The following GLIPR1L2 variants were observed in gnomAD, a reference collection of about 807,000 sequenced individuals.
GLIPR1L2 encodes the protein GLIPR1 like 2.
Under a neutral mutation model 28.4 loss-of-function variants are expected in GLIPR1L2, and 21 were observed. The ratio of observed to expected loss-of-function variants is 0.74; its 90% CI spans 0.52 to 1.06. The LOEUF (loss-of-function observed/expected upper bound fraction) is 1.06, where lower values mean the gene tolerates loss of function less well. Ranked by LOEUF, GLIPR1L2 falls within the 50% of genes least tolerant of loss-of-function variation. The pLI, the probability that GLIPR1L2 is intolerant of heterozygous loss-of-function variation, is 0.00. For synonymous variants in GLIPR1L2, 145 were observed against 139.3 expected (o/e 1.04, Z -0.29); for missense variants, 476 against 416.9 (o/e 1.14, Z -1.23).
Position 75,391,132 on chromosome 12 carries a change from C to G in GLIPR1L2, c.16C>G (p.Pro6Ala), listed in dbSNP as rs2045576376. ...CCGGTGGACCATGGAGGCCGCAAGG[C>G]CCTTCGCCCGGGAGTGGAGGGCCCA... MEAAR[P>A]FAREWRAQSL... is the part of the protein sequence containing the mutation. Residue 6 changes from proline (P) to alanine (A), a missense_variant, in exon 1 of 6, where the codon CCC becomes GCC. By Grantham distance (27) the Pro-to-Ala change is conservative. Coordinates refer to ENST00000550916, the MANE Select transcript of GLIPR1L2 (RefSeq NM_001270396.2). The G allele has an allele frequency of 1.9e-6, 3 of 1,613,386 alleles. No homozygotes were observed. The highest frequency in any genetic ancestry group is 1.7e-5 in the Admixed American group (1 of 59,992).
intron 3 of GLIPR1L2, among the ~76,000 whole-genome samples, chr12:75,421,107 A>T (rs896151404): frequency 3.3e-5 from 5 of 152,270 alleles, no homozygotes; most frequent in African/African-American, 7.2e-5. Flanking sequence ...ACCTTAGGAG[A>T]CAATACATCT....
rs1038999462 is a variant in GLIPR1L2 at position 75,398,682 on chromosome 12, G to T, written c.234+7332G>T. On this transcript the variant is annotated intron_variant, in intron 1 of 5. Transcript: ENST00000550916. ...CAGATAATGGGCTGTAGTTTTATAT[G>T]TAATATCAATTTTTAATTTAATATT... Among the ~76,000 whole-genome samples the T allele has an allele frequency of 3.9e-5, 6 of 152,110 alleles. No homozygotes were observed. The East Asian group carries it at 1.2e-3, about 29-fold the overall frequency.
intron 1 of GLIPR1L2, among the ~76,000 whole-genome samples, chr12:75,392,733 TA>T (rs2045641381): frequency 6.6e-6 from 1 of 152,084 alleles, no homozygotes; most frequent in Admixed American, 6.5e-5. Flanking sequence ...ATCTCATCTC[TA>T]AAAATTATAT....
intron 1 of GLIPR1L2, among the ~76,000 whole-genome samples, chr12:75,403,977 A>C (rs1279377987): frequency 6.6e-6 from 1 of 152,240 alleles, no homozygotes; most frequent in Non-Finnish European, 1.5e-5. Context: ...AGTAGTTCAC[A>C]GTGTCTGTGA....
rs551794382 is a variant in GLIPR1L2 at position 75,412,305 on chromosome 12, G to A, written c.481-1293G>A. ...TCTGAAGCATTATTCTGGATCAACCGTGTTCTCAAACAGTTCTTACAAGCT... is the reference window on the plus strand; with the variant it reads ...TCTGAAGCATTATTCTGGATCAACCATGTTCTCAAACAGTTCTTACAAGCT... On this transcript the variant is annotated intron_variant, in intron 2 of 5. Transcript: ENST00000550916. 1.1e-4 allele frequency among the ~76,000 whole-genome samples: 16 copies of A among 151,976 alleles called. No homozygotes were observed. The East Asian group carries it at 2.3e-3, about 22-fold the overall frequency.
intron 1 of GLIPR1L2, among the ~76,000 whole-genome samples, chr12:75,402,787 G>GTC (rs919113269): frequency 1.2e-4 from 18 of 152,114 alleles, no homozygotes; most frequent in Non-Finnish European, 5.9e-5. Context: ...AATCTTTGTA[G>GTC]TCAGTTTAGC....
intron 3 of GLIPR1L2, among the ~76,000 whole-genome samples, chr12:75,414,050 T>A (rs550928195): frequency 6.6e-6 from 1 of 152,142 alleles, no homozygotes; most frequent in Middle Eastern, 3.4e-3. Context: ...TTAGTAAGAA[T>A]TGTTTCATGA....
Position 75,417,785 on chromosome 12 carries a change from T to C in GLIPR1L2, c.584+4084T>C, listed in dbSNP as rs567136516. Among the ~76,000 whole-genome samples the C allele has an allele frequency of 6.3e-5, 8 of 127,854 alleles. No homozygotes were observed. The South Asian group carries it at 2.0e-3, about 32-fold the overall frequency. The allele number at this position is 127,854 out of a possible 152,430, so 83.9% of individuals were successfully genotyped here. A position where few individuals can be genotyped will look rare whatever the true frequency, so the allele number is the denominator to read the frequency against. On this transcript the variant is annotated intron_variant, in intron 3 of 5. Transcript: ENST00000550916. ...ATGTATCAGAAAAAAACTGAAACTA[T>C]ATTACATATAATTATTTACTAGTCC...
intron 1 of GLIPR1L2, among the ~76,000 whole-genome samples, chr12:75,400,589 G>A (rs2045730076): frequency 6.6e-6 from 1 of 152,196 alleles, no homozygotes; most frequent in African/African-American, 2.4e-5. Flanking sequence ...GGGGAAATAG[G>A]ATGGTGGAGA....
In GLIPR1L2 at chr12:75,391,219, C is replaced by T; in HGVS notation, c.103C>T (p.Leu35=). 6.2e-7 allele frequency: 1 copy of T among 1,614,192 alleles called. No homozygotes were observed. Among genetic ancestry groups the T allele is most frequent in the South Asian group, 1.1e-5 (1 of 91,082 alleles). ...GCGGCTCTGTGAGCTGTGGCTACTG[C>T]TACTGGGTTCTAGTTTGAACGCCAG... ...KLRLCELWLL[L]LGSSLNARFL... The change falls in exon 1 of 6, where the codon CTA becomes TTA. Residue 35 remains leucine, a synonymous_variant. Transcript: ENST00000550916.
At chr12:75,402,457 A>G (rs561598828) in intron 1 of GLIPR1L2, among the ~76,000 whole-genome samples, 2 of 152,262 alleles carry the variant, frequency 1.3e-5, no homozygotes, top group Admixed American at 6.5e-5. Flanking sequence ...AGAAAAAGGG[A>G]AAAAAATGTA....
rs141233720 is a variant in GLIPR1L2 at position 75,395,550 on chromosome 12, A to G, written c.234+4200A>G. 4.9e-3 allele frequency among the ~76,000 whole-genome samples: 741 copies of G among 151,944 alleles called. 4 individuals are homozygous for G. The highest frequency in any genetic ancestry group is 0.017 in the Middle Eastern group (5 of 294). On this transcript the variant is annotated intron_variant, in intron 1 of 5. Transcript: ENST00000550916. Reference sequence around the variant, plus strand: ...CTTTAAATATATGTCTTGAACTCCTATTAGAATTCACCAATGACTCCATCT... The same window carrying G: ...CTTTAAATATATGTCTTGAACTCCTGTTAGAATTCACCAATGACTCCATCT...
intron 1 of GLIPR1L2, among the ~76,000 whole-genome samples, chr12:75,407,425 A>G (rs2045815453): frequency 6.6e-6 from 1 of 152,178 alleles, no homozygotes; most frequent in South Asian, 2.1e-4. Flanking sequence ...AGAGAATAAA[A>G]TGCAAAGTTC....
chr12:75,431,097 A>G lies in GLIPR1L2; in HGVS notation c.971A>G (p.Lys324Arg). ...EMEIMEMEEE[K>R]EEREEEEEET... is the part of the protein sequence containing the mutation. ...GAAATAATGGAAATGGAGGAGGAAA[A>G]AGAAGAGAGAGAGGAGGAGGAGGAG... The change falls in exon 6 of 6, where the codon AAA becomes AGA. Residue 324 changes from lysine (K) to arginine (R), a missense_variant. By Grantham distance (26) the Lys-to-Arg change is conservative. Coordinates refer to ENST00000550916, the MANE Select transcript of GLIPR1L2 (RefSeq NM_001270396.2). 1 of 1,185,280 alleles carries G rather than the reference A, an allele frequency of 8.4e-7. No homozygotes were observed. Among genetic ancestry groups the G allele is most frequent in the Non-Finnish European group, 1.2e-6 (1 of 827,844 alleles). 73.4% of individuals were successfully genotyped at this position (1,185,280 alleles called of 1,614,324 possible). A position where few individuals can be genotyped will look rare whatever the true frequency, so the allele number is the denominator to read the frequency against.
In GLIPR1L2 at chr12:75,430,837, G is replaced by A. The variant is rs916031657; in HGVS notation, c.711G>A (p.Trp237Ter). 7 of 1,533,182 alleles carry A rather than the reference G, an allele frequency of 4.6e-6. No individual in the cohort carries two copies. The highest frequency in any genetic ancestry group is 6.1e-6 in the Non-Finnish European group (7 of 1,145,056). 95.0% of individuals were successfully genotyped at this position (1,533,182 alleles called of 1,614,324 possible). The change falls in exon 6 of 6, where the codon TGG (tryptophan) becomes TGA (stop). Residue 237 changes from tryptophan (W) to a stop codon, truncating the protein, a stop_gained. Coordinates refer to ENST00000550916, the MANE Select transcript of GLIPR1L2 (RefSeq NM_001270396.2). LOFTEE classifies it low-confidence loss of function (END_TRUNC). ...CTTTGTTTACAGATTACCGATTTTG[G>A]TATCCAAAATGGGAAATGCCCCGGC... Reference protein sequence around the residue: ...DRDQATYYRFWYPKWEMPRPV... With the variant: ...DRDQATYYRF
chr12:75,391,476 T>G, intron 1 of GLIPR1L2, 126 bp downstream of exon 1: 1 of 1,555,360 alleles, frequency 6.4e-7, no homozygotes, highest in Non-Finnish European at 8.7e-7. Context: ...TTTAGCTTGG[T>G]TTTTAAAGTA....
At chr12:75,421,227 G>T (rs956943804) in intron 3 of GLIPR1L2, among the ~76,000 whole-genome samples, 1 of 152,120 alleles carries the variant, frequency 6.6e-6, no homozygotes, top group African/African-American at 2.4e-5. Context: ...TGCTCTGGCT[G>T]GGTTCTAAAC....
At position 75,431,272 on chromosome 12, in the gene GLIPR1L2, A is replaced by T; in HGVS notation, c.*111A>T. On this transcript the variant is annotated 3_prime_UTR_variant, in exon 6 of 6. Coordinates refer to ENST00000550916, the MANE Select transcript of GLIPR1L2 (RefSeq NM_001270396.2). ...ACACTGAGTTTTAACAAGAAAGAAAATATGCAAACCACCATTGGAATGTTT... is the reference window on the plus strand; with the variant it reads ...ACACTGAGTTTTAACAAGAAAGAAATTATGCAAACCACCATTGGAATGTTT... The T allele has an allele frequency of 1.7e-6, 1 of 586,442 alleles. No homozygotes were observed. Among genetic ancestry groups the T allele is most frequent in the Non-Finnish European group, 3.0e-6 (1 of 332,742 alleles). The allele number at this position is 586,442 out of a possible 1,614,324, so 36.3% of individuals were successfully genotyped here.
intron 1 of GLIPR1L2, among the ~76,000 whole-genome samples, chr12:75,392,186 T>C (rs1400560163): frequency 1.3e-5 from 2 of 152,222 alleles, no homozygotes; most frequent in African/African-American, 2.4e-5. Flanking sequence ...TCAGCATTAG[T>C]TCTTAGCACA....
Sources: allele counts gnomAD v4.1 joint callset (sites outside exome capture counted in the v4.1 genomes callset), GRCh38; gene constraint gnomAD v4.1.1; transcripts MANE v1.5; gene names NCBI Gene and HGNC (gene_info 2026-07-23, HGNC 2026-07-21).